The following MAP4K3 variants were observed in gnomAD, a reference collection of about 807,000 sequenced individuals.
MAP4K3 encodes MAPK/ERK kinase kinase kinase 3.
MAP4K3 carries 94 observed loss-of-function variants against 143.5 expected under a neutral mutation model. The observed-to-expected ratio is 0.65, with a 90% CI of 0.55 to 0.78. MAP4K3 has a LOEUF of 0.78. Among genes scored for constraint, MAP4K3 ranks in the 30% least tolerant of loss-of-function variants. MAP4K3 has a pLI of 0.00. For missense variants in MAP4K3, 1,077 were observed against 1,068.1 expected (o/e 1.01, Z -0.12); for synonymous variants, 416 against 347.2 (o/e 1.20, Z -2.20).
chr2:39,424,180 G>A (rs1395254163), intron 1 of MAP4K3, among the ~76,000 whole-genome samples: 1 of 152,132 alleles, frequency 6.6e-6, no homozygotes, highest in African/African-American at 2.4e-5. Context: ...CTGACCTCAG[G>A]TGATCCACCC....
chr2:39,355,881 A>G (rs1197389913), intron 3 of MAP4K3, among the ~76,000 whole-genome samples: 4 of 152,236 alleles, frequency 2.6e-5, no homozygotes, highest in African/African-American at 9.6e-5. Flanking sequence ...CAAAATTAAA[A>G]AAAAGTTTTT....
At chr2:39,396,657 T>G (rs952249508) in intron 1 of MAP4K3, among the ~76,000 whole-genome samples, 13 of 152,054 alleles carry the variant, frequency 8.5e-5, no homozygotes, top group African/African-American at 3.1e-4. Flanking sequence ...GTATTTTTAG[T>G]ACAGACGGGG....
chr2:39,382,036 A>C (rs1437857161), intron 1 of MAP4K3, among the ~76,000 whole-genome samples: 1 of 152,220 alleles, frequency 6.6e-6, no homozygotes, highest in South Asian at 2.1e-4. Flanking sequence ...CTCGGCTTAG[A>C]GGGGCTCTGG....
chr2:39,424,239 C>A (rs117781071), intron 1 of MAP4K3, among the ~76,000 whole-genome samples: 1 of 152,098 alleles, frequency 6.6e-6, no homozygotes, highest in African/African-American at 2.4e-5. Flanking sequence ...CCATCGCGCC[C>A]GGCCTGGTTC....
At chr2:39,341,237 C>A (rs543894527) in intron 4 of MAP4K3, among the ~76,000 whole-genome samples, 24 of 152,168 alleles carry the variant, frequency 1.6e-4, no homozygotes, top group African/African-American at 5.8e-4. Context: ...AGACAATGGC[C>A]CACCTTCTTC....
intron 31 of MAP4K3, 143 bp downstream of exon 31, chr2:39,258,205 T>G: frequency 6.1e-6 from 4 of 657,254 alleles, no homozygotes; most frequent in Non-Finnish European, 1.0e-5. Flanking sequence ...GTGCTGGGAT[T>G]ACAGGCATGA....
At chr2:39,317,516 G>A (rs1368274178) in intron 12 of MAP4K3, among the ~76,000 whole-genome samples, 1 of 152,004 alleles carries the variant, frequency 6.6e-6, no homozygotes, top group Non-Finnish European at 1.5e-5. Context: ...CTATGCATTT[G>A]ACCGAGATCT....
chr2:39,364,359 C>G lies in MAP4K3; in HGVS notation c.155-8020G>C, dbSNP rs530758875. ...AATGGTTATAGTTAACAATACTGTA[C>G]TAAATATTTAAATTTGTTAAGAGAA... On this transcript the variant is annotated intron_variant, in intron 2 of 33. Transcript: ENST00000263881. Among the ~76,000 whole-genome samples the G allele has an allele frequency of 1.7e-4, 26 of 152,302 alleles. No homozygotes were observed. In the South Asian group the frequency reaches 2.7e-3, roughly 16 times the overall value.
chr2:39,354,183 C>T (rs1005483694), intron 3 of MAP4K3, among the ~76,000 whole-genome samples: 4 of 152,170 alleles, frequency 2.6e-5, no homozygotes, highest in South Asian at 4.1e-4. Flanking sequence ...GTGGCTCACG[C>T]GTGTAATCCC....
intron 24 of MAP4K3, among the ~76,000 whole-genome samples, chr2:39,273,216 C>T: frequency 6.6e-6 from 1 of 152,158 alleles, no homozygotes; most frequent in African/African-American, 2.4e-5. Context: ...CTCATTAAGA[C>T]ATTTCGTTAT....
intron 17 of MAP4K3, 104 bp from the exon 18 acceptor site, chr2:39,292,930 T>C: frequency 1.1e-6 from 1 of 946,346 alleles, no homozygotes; most frequent in Non-Finnish European, 1.7e-6. Flanking sequence ...TAAAATTTTA[T>C]TTCTGCATCT....
intron 2 of MAP4K3, among the ~76,000 whole-genome samples, chr2:39,366,236 T>C (rs989766697): frequency 2.3e-5 from 3 of 131,368 alleles, no homozygotes; most frequent in African/African-American, 9.0e-5. Flanking sequence ...TACATTGGTT[T>C]GATCTAGAAG....
chr2:39,318,963 T>C (rs979005510), intron 12 of MAP4K3, among the ~76,000 whole-genome samples: 1 of 152,132 alleles, frequency 6.6e-6, no homozygotes, highest in African/African-American at 2.4e-5. Context: ...GAGGAGACAT[T>C]TGGCAATATC....
At chr2:39,267,369 C>G (rs1260090865) in intron 26 of MAP4K3, 122 bp from the exon 27 acceptor site, 3 of 725,578 alleles carry the variant, frequency 4.1e-6, no homozygotes, top group Non-Finnish European at 7.1e-6. Flanking sequence ...ACTAGCTCAT[C>G]TATTAAAATT....
intron 1 of MAP4K3, among the ~76,000 whole-genome samples, chr2:39,379,162 T>C (rs1439104023): frequency 5.9e-5 from 9 of 152,060 alleles, no homozygotes; most frequent in Admixed American, 3.9e-4. Context: ...TGGCAAGAGA[T>C]GGTAACACCA....
At chr2:39,369,665 C>T (rs17023773) in intron 2 of MAP4K3, among the ~76,000 whole-genome samples, 1 of 152,126 alleles carries the variant, frequency 6.6e-6, no homozygotes, top group Non-Finnish European at 1.5e-5. Flanking sequence ...GTCTTGAAGG[C>T]TCATCTGAAG....
intron 4 of MAP4K3, among the ~76,000 whole-genome samples, chr2:39,339,535 G>A (rs1438528902): frequency 6.6e-6 from 1 of 152,128 alleles, no homozygotes; most frequent in African/African-American, 2.4e-5. Flanking sequence ...TGGTAAGCTA[G>A]GGCTTTAGCA....
chr2:39,313,979 T>A (rs1181802173), intron 13 of MAP4K3, among the ~76,000 whole-genome samples: 2 of 152,196 alleles, frequency 1.3e-5, no homozygotes, highest in Admixed American at 6.5e-5. Flanking sequence ...TAAATTACAT[T>A]TTCAACAGTA....
chr2:39,258,309 G>T (rs762665786), intron 31 of MAP4K3, 39 bp downstream of exon 31: 3 of 1,223,518 alleles, frequency 2.5e-6, no homozygotes, highest in Non-Finnish European at 2.3e-6. Flanking sequence ...ATTATTTTAA[G>T]GAGTTCATAA....
Sources: allele counts gnomAD v4.1 joint callset (sites outside exome capture counted in the v4.1 genomes callset), GRCh38; gene constraint gnomAD v4.1.1; transcripts MANE v1.5; gene names NCBI Gene and HGNC (gene_info 2026-07-23, HGNC 2026-07-21).